Variants in ZFR observed in about 807,000 individuals in gnomAD.
ZFR encodes the protein zinc finger RNA-binding protein.
In ZFR, 19 loss-of-function variants were observed where a neutral mutation model predicts 130.7. That is an observed-to-expected ratio of 0.15 (90% confidence interval 0.10 to 0.21). ZFR has a LOEUF of 0.21. Ranked by LOEUF, ZFR falls within the 10% of genes least tolerant of loss-of-function variation. The probability of loss-of-function intolerance (pLI) is 1.00; values close to 1 mark genes in which losing one functional copy is unlikely to be tolerated. For synonymous variants in ZFR, 466 were observed against 456.9 expected (o/e 1.02, Z -0.25); for missense variants, 872 against 1,321.5 (o/e 0.66, Z 5.27).
intron 3 of ZFR, 68 bp from the exon 4 acceptor site, chr5:32,417,860 A>G (rs1753862231): frequency 1.1e-5 from 16 of 1,489,164 alleles, no homozygotes; most frequent in Non-Finnish European, 1.5e-5. Flanking sequence ...CTTACTGTAT[A>G]GAAGTGCAAT....
At chr5:32,408,322 A>AC (rs1371597354) in intron 5 of ZFR, among the ~76,000 whole-genome samples, 1 of 90,064 alleles carries the variant, frequency 1.1e-5, no homozygotes, top group Non-Finnish European at 2.5e-5. Context: ...TTAAAAAAAA[A>AC]AAAAAAAAAA....
chr5:32,377,168 A>T (rs72735334), intron 17 of ZFR, among the ~76,000 whole-genome samples: 133,724 of 141,204 alleles, frequency 0.95, 63,375 homozygotes, highest in African/African-American at 0.97. Flanking sequence ...AAAAAAAAAA[A>T]AAAAAAAAAA....
intron 9 of ZFR, among the ~76,000 whole-genome samples, chr5:32,398,436 T>C (rs898021625): frequency 3.9e-5 from 6 of 152,218 alleles, no homozygotes; most frequent in Non-Finnish European, 8.8e-5. Flanking sequence ...TGAAGTCTAT[T>C]ATGAATACTG....
At chr5:32,431,552 C>G (rs1275960364) in intron 2 of ZFR, among the ~76,000 whole-genome samples, 2 of 152,130 alleles carry the variant, frequency 1.3e-5, no homozygotes, top group Admixed American at 6.5e-5. Flanking sequence ...AGAAAACATA[C>G]TGTGTGTGTG....
At chr5:32,423,475 A>G (rs1220241572) in intron 2 of ZFR, among the ~76,000 whole-genome samples, 1 of 152,192 alleles carries the variant, frequency 6.6e-6, no homozygotes, top group African/African-American at 2.4e-5. Flanking sequence ...GCCACAGATG[A>G]GAATTTTCAA....
rs916198550 is a variant in ZFR, at chr5:32,444,619, C to T, written c.37+3G>A. ...GAGGCCTCGCGGGCCACATTAGACT[C>T]ACCATAGGTGAAAGAAACTACAGGG... is the stretch of plus-strand genomic sequence containing the variant. On this transcript the variant is annotated splice_donor_region_variant and intron_variant, in intron 1 of 19. Transcript: ENST00000265069. 7.3e-6 allele frequency: 11 copies of T among 1,500,976 alleles called. No individual in the cohort carries two copies. In the African/African-American group the frequency reaches 8.7e-5, roughly 12 times the overall value. The allele number at this position is 1,500,976 out of a possible 1,614,324, so 93.0% of individuals were successfully genotyped here.
chr5:32,377,927 G>A (rs1166066233), intron 17 of ZFR, among the ~76,000 whole-genome samples: 2 of 152,078 alleles, frequency 1.3e-5, no homozygotes, highest in Non-Finnish European at 2.9e-5. Flanking sequence ...CCTGACCTCA[G>A]TGATCCGCCC....
intron 13 of ZFR, among the ~76,000 whole-genome samples, chr5:32,388,257 C>A (rs1005655626): frequency 2.0e-5 from 3 of 152,074 alleles, no homozygotes; most frequent in African/African-American, 4.8e-5. Flanking sequence ...AAAATGAGTA[C>A]AATTACGAGG....
intron 5 of ZFR, among the ~76,000 whole-genome samples, chr5:32,408,684 T>C (rs1297826433): frequency 6.6e-6 from 1 of 152,210 alleles, no homozygotes; most frequent in Non-Finnish European, 1.5e-5. Flanking sequence ...AGGACGTTTG[T>C]AGGACTGCCC....
chr5:32,429,126 C>T (rs1754143581), intron 2 of ZFR, among the ~76,000 whole-genome samples: 1 of 151,876 alleles, frequency 6.6e-6, no homozygotes, highest in African/African-American at 2.4e-5. Flanking sequence ...GCTGGGACTA[C>T]AGGAGCCCGC....
chr5:32,372,543 A>T (rs1373988974), intron 17 of ZFR, among the ~76,000 whole-genome samples: 1 of 152,124 alleles, frequency 6.6e-6, no homozygotes, highest in Non-Finnish European at 1.5e-5. Flanking sequence ...ATTCAATAAG[A>T]AGCTGAGGGC....
In ZFR at chr5:32,355,565, A is replaced by ATT; in HGVS notation, c.*193_*194dup. On this transcript the variant is annotated 3_prime_UTR_variant, in exon 20 of 20. Transcript: ENST00000265069. ...ACTGTTTTCCCCCTAGTCGGAGCAC[A>ATT]TTTTTTTTTTTGGGTGTCTTTCCAT... is the stretch of plus-strand genomic sequence containing the variant. The ATT allele has an allele frequency of 6.1e-5, 22 of 358,012 alleles. No individual in the cohort carries two copies. The highest frequency in any genetic ancestry group is 2.1e-4 in the South Asian group (2 of 9,654). 22.2% of individuals were successfully genotyped at this position (358,012 alleles called of 1,614,324 possible). A position where few individuals can be genotyped will look rare whatever the true frequency, so the allele number is the denominator to read the frequency against.
chr5:32,386,767 C>G (rs976658266), intron 14 of ZFR, among the ~76,000 whole-genome samples: 1 of 152,110 alleles, frequency 6.6e-6, no homozygotes, highest in African/African-American at 2.4e-5. Context: ...TCCCTTTTGT[C>G]ATCAGTTGCT....
chr5:32,416,107 C>T (rs1288034050), intron 4 of ZFR, among the ~76,000 whole-genome samples: 1 of 152,012 alleles, frequency 6.6e-6, no homozygotes, highest in African/African-American at 2.4e-5. Context: ...AACTTATCTG[C>T]TTATGAAATT....
rs554274481 is a variant in ZFR, at chr5:32,416,316, T to C, written c.566-1129A>G. Among the ~76,000 whole-genome samples the C allele has an allele frequency of 2.0e-5, 3 of 152,248 alleles. No individual in the cohort carries two copies. The South Asian group carries it at 6.2e-4, about 32-fold the overall frequency. ...ATAAATTATTATACACGGAAATCAA[T>C]AGAGAAGAGACCACAAGGCTGGGCA... On this transcript the variant is annotated intron_variant, in intron 4 of 19. Transcript: ENST00000265069.
chr5:32,388,665 G>C lies in ZFR; in HGVS notation c.2152C>G (p.Arg718Gly). 1 of 1,612,388 alleles carries C rather than the reference G, an allele frequency of 6.2e-7. No homozygotes were observed. The highest frequency in any genetic ancestry group is 8.5e-7 in the Non-Finnish European group (1 of 1,179,086). ...TAACGGTCATCAGATGAGTCAGGAC[G>C]ACGTAAGGGCTACAGAGAAACAAAG... ...PQPQGPAPLR[R>G]PDSSDDRYVM... The change falls in exon 13 of 20, where the codon CGT becomes GGT. Residue 718 changes from arginine (R) to glycine (G), a missense_variant. Physicochemically the swap from Arg to Gly is moderately radical, Grantham distance 125 (BLOSUM62 -2). Transcript: ENST00000265069.
intron 9 of ZFR, among the ~76,000 whole-genome samples, chr5:32,398,207 T>C (rs1219818892): frequency 6.6e-6 from 1 of 152,176 alleles, no homozygotes; most frequent in Non-Finnish European, 1.5e-5. Flanking sequence ...TAGATTTAAA[T>C]GTAGCTAGAT....
chr5:32,407,026 CAAAT>C lies in ZFR; in HGVS notation c.785-9_785-6del. 6.8e-7 allele frequency: 1 copy of C among 1,462,028 alleles called. No individual in the cohort carries two copies. The highest frequency in any genetic ancestry group is 9.0e-7 in the Non-Finnish European group (1 of 1,105,378). The allele number at this position is 1,462,028 out of a possible 1,614,324, so 90.6% of individuals were successfully genotyped here. A position where few individuals can be genotyped will look rare whatever the true frequency, so the allele number is the denominator to read the frequency against. ...CATAACCTGAATAAGACGTACCTTA[CAAAT>C]AAAAATCAAACAAAAATTATGTTAC... is the stretch of plus-strand genomic sequence containing the variant. On this transcript the variant is annotated splice_region_variant and splice_polypyrimidine_tract_variant and intron_variant, in intron 5 of 19. Coordinates refer to ENST00000265069, the MANE Select transcript of ZFR (RefSeq NM_016107.5).
chr5:32,407,109 C>A, intron 5 of ZFR, 88 bp from the exon 6 acceptor site: 10 of 1,165,426 alleles, frequency 8.6e-6, no homozygotes, highest in South Asian at 7.4e-5. Context: ...ATTAATCCTG[C>A]CAATAAAGAT....
Sources: allele counts gnomAD v4.1 joint callset (sites outside exome capture counted in the v4.1 genomes callset), GRCh38; gene constraint gnomAD v4.1.1; transcripts MANE v1.5; gene names NCBI Gene and HGNC (gene_info 2026-07-23, HGNC 2026-07-21).